SANBR: variants seen among roughly 807,000 people sequenced by gnomAD.
The protein encoded by SANBR is SANT and BTB domain regulator of CSR, also known as SANT and BTB domain regulator of class switch recombination.
In SANBR, 77 loss-of-function variants were observed where a neutral mutation model predicts 101.8. The observed-to-expected ratio is 0.76, with a 90% CI of 0.63 to 0.91. The LOEUF is 0.91. Ranked by LOEUF, SANBR falls within the 40% of genes least tolerant of loss-of-function variation. The probability of loss-of-function intolerance (pLI) is 0.00; values close to 1 mark genes in which losing one functional copy is unlikely to be tolerated. For missense variants in SANBR, 875 were observed against 853.0 expected (o/e 1.03, Z -0.32); for synonymous variants, 279 against 274.7 (o/e 1.02, Z -0.15).
chr2:61,066,065 G>A (rs1339252883), intron 1 of SANBR, 38 bp downstream of exon 1: 1 of 152,166 alleles, frequency 6.6e-6, no homozygotes, highest in Non-Finnish European at 1.5e-5. Context: ...TGCCCACCGC[G>A]GGGCGGGAAG....
intron 20 of SANBR, among the ~76,000 whole-genome samples, chr2:61,130,832 A>G (rs1199642446): frequency 6.8e-6 from 1 of 146,734 alleles, no homozygotes; most frequent in Non-Finnish European, 1.5e-5. Context: ...AATCCCAGCT[A>G]CTCAGGAGAA....
At chr2:61,103,606 C>T (rs1683399537) in intron 12 of SANBR, among the ~76,000 whole-genome samples, 1 of 152,100 alleles carries the variant, frequency 6.6e-6, no homozygotes, top group African/African-American at 2.4e-5. Flanking sequence ...GGCCTGTGGG[C>T]ACTCCTGGAG....
In SANBR at chr2:61,070,334, A is replaced by G. The variant is rs777841653; in HGVS notation, c.-9-8A>G. On this transcript the variant is annotated splice_polypyrimidine_tract_variant and splice_region_variant and intron_variant, in intron 2 of 21. Transcript: ENST00000402291. ...TTAAATAAAGCTTTTTGTCTTCCCT[A>G]TCCCTAGTTCCAAAAGATGAGTCGT... The G allele has an allele frequency of 1.9e-6, 3 of 1,557,802 alleles. No individual in the cohort carries two copies. The highest frequency in any genetic ancestry group is 2.1e-5 in the Admixed American group (1 of 46,994).
At chr2:61,094,404 C>A (rs1288704654) in intron 11 of SANBR, among the ~76,000 whole-genome samples, 1 of 152,188 alleles carries the variant, frequency 6.6e-6, no homozygotes, top group Non-Finnish European at 1.5e-5. Flanking sequence ...TAGCTTCCTT[C>A]ACTTCGAATA....
At chr2:61,106,416 G>GAAAAAAAAAAAAAAAAAAAAAAA (rs1559125251) in intron 13 of SANBR, 147 bp from the exon 14 acceptor site, 2 of 330,006 alleles carry the variant, frequency 6.1e-6, no homozygotes, top group African/African-American at 2.6e-5. Flanking sequence ...AAAAAAAAAG[G>GAAAAAAAAAAAAAAAAAAAAAAA]AAATGTCATT....
intron 6 of SANBR, among the ~76,000 whole-genome samples, chr2:61,078,900 G>A (rs994369846): frequency 3.3e-5 from 5 of 151,962 alleles, no homozygotes; most frequent in Admixed American, 6.6e-5. Context: ...TTAGCTGGGC[G>A]TGGTGGCACC....
intron 6 of SANBR, among the ~76,000 whole-genome samples, chr2:61,080,926 G>A (rs1445392341): frequency 3.9e-5 from 6 of 151,932 alleles, no homozygotes; most frequent in Admixed American, 3.3e-4. Flanking sequence ...AGCATCAGGC[G>A]GCATCCCCCT....
Position 61,081,455 on chromosome 2 carries a change from C to G in SANBR, c.674C>G (p.Pro225Arg). ...TCTAATTTTTTTTTTTTTTTAGAGC[C>G]AGGAAATGTCATTTCAATTCTTATT... The part of the protein sequence containing the change: ...NKDCEMPTLE[P>R]GNVISILISS... The change falls in exon 7 of 22, where the codon CCA (proline) becomes CGA (arginine). Residue 225 changes from proline (P) to arginine (R), a missense_variant. By Grantham distance (103) the Pro-to-Arg change is moderately radical. Transcript: ENST00000402291. 6.4e-7 allele frequency: 1 copy of G among 1,572,508 alleles called. No individual in the cohort carries two copies. Among genetic ancestry groups the G allele is most frequent in the Non-Finnish European group, 8.6e-7 (1 of 1,163,264 alleles).
intron 13 of SANBR, among the ~76,000 whole-genome samples, chr2:61,105,309 T>C (rs1683502242): frequency 6.6e-6 from 1 of 151,148 alleles, no homozygotes; most frequent in African/African-American, 2.4e-5. Context: ...TAGGCTACAG[T>C]GAGCTGAGAT....
At chr2:61,079,498 T>C (rs2104866604) in intron 6 of SANBR, among the ~76,000 whole-genome samples, 1 of 152,328 alleles carries the variant, frequency 6.6e-6, no homozygotes, top group African/African-American at 2.4e-5. Context: ...TATTCTTTAG[T>C]GATCAAATTA....
rs775424602 is a variant in SANBR, at chr2:61,118,005, G to T, written c.1940-23G>T. 1.3e-5 allele frequency: 21 copies of T among 1,578,700 alleles called. No homozygotes were observed. The South Asian group carries it at 2.3e-4, about 17-fold the overall frequency. The stretch of plus-strand genomic sequence containing the variant: ...ATATATCATCCTTATGAAAAGTAAA[G>T]TTTACTGTTTTTTTCCCTTCAGATC... On this transcript the variant is annotated intron_variant, in intron 19 of 21. Transcript: ENST00000402291.
At chr2:61,088,680 C>A (rs536560833) in intron 10 of SANBR, 1 of 303,430 alleles carries the variant, frequency 3.3e-6, no homozygotes, top group Non-Finnish European at 5.7e-6. Context: ...GCCACCACAC[C>A]CAGCTAGTTT....
chr2:61,127,629 CT>C (rs1299095968), downstream of SANBR, among the ~76,000 whole-genome samples: 2 of 152,142 alleles, frequency 1.3e-5, no homozygotes, highest in Middle Eastern at 3.2e-3. Flanking sequence ...GTTTTCCATC[CT>C]TATATTTTTC....
At chr2:61,081,781 T>TG (rs1256128897) in intron 7 of SANBR, among the ~76,000 whole-genome samples, 2 of 152,230 alleles carry the variant, frequency 1.3e-5, no homozygotes, top group African/African-American at 4.8e-5. Flanking sequence ...CCCGAGTAGC[T>TG]GGGACTACAG....
In SANBR at chr2:61,088,258, G is replaced by GC. The variant is rs1356822761; in HGVS notation, c.977+13_977+14insC. On this transcript the variant is annotated intron_variant, in intron 9 of 21. Transcript: ENST00000402291. ...CAACATTGTATAGGTATGCTAACAT[G>GC]TTTTTTTCTTTGGTGTACTTTATAA... 3.1e-6 allele frequency: 5 copies of GC among 1,592,370 alleles called. No homozygotes were observed. Among genetic ancestry groups the GC allele is most frequent in the African/African-American group, 1.4e-5 (1 of 73,922 alleles).
chr2:61,066,353 T>G (rs1247701201), intron 1 of SANBR: 2 of 152,498 alleles, frequency 1.3e-5, no homozygotes, highest in Non-Finnish European at 2.9e-5. Flanking sequence ...GGCGCCTTTG[T>G]CCGCTCTGCG....
At chr2:61,128,049 G>A (rs1420981954), downstream of SANBR, among the ~76,000 whole-genome samples, 1 of 152,082 alleles carries the variant, frequency 6.6e-6, no homozygotes, top group Non-Finnish European at 1.5e-5. Flanking sequence ...GAGGTGGGCG[G>A]ATCATGAGGT....
chr2:61,073,706 T>C (rs1462644192), intron 5 of SANBR, among the ~76,000 whole-genome samples, 155 bp downstream of exon 5: 2 of 152,104 alleles, frequency 1.3e-5, no homozygotes, highest in Non-Finnish European at 2.9e-5. Flanking sequence ...GACCGAAACA[T>C]GACTTATTCA....
chr2:61,121,245 G>C lies in SANBR; in HGVS notation c.2089G>C (p.Ala697Pro). 6.4e-7 allele frequency: 1 copy of C among 1,551,062 alleles called. No homozygotes were observed. The highest frequency in any genetic ancestry group is 8.7e-7 in the Non-Finnish European group (1 of 1,146,494). Residue 697 changes from alanine (A) to proline (P), a missense_variant, in exon 21 of 22, where the codon GCA becomes CCA. Transcript: ENST00000402291. ...AQIKASVPVS[A>P]RQSSSEKNTR... ...AATCAAGGCCTCAGTGCCAGTTAGT[G>C]CACGCCAAAGCAGCTCAGAGAAAAA...
Sources: allele counts gnomAD v4.1 joint callset (sites outside exome capture counted in the v4.1 genomes callset), GRCh38; gene constraint gnomAD v4.1.1; transcripts MANE v1.5; gene names NCBI Gene and HGNC (gene_info 2026-07-23, HGNC 2026-07-21).